TMEM178B: variants seen among roughly 807,000 people sequenced by gnomAD.
TMEM178B encodes the protein transmembrane protein 178B.
A neutral mutation model predicts 31.0 loss-of-function variants in TMEM178B; 5 were observed. The observed-to-expected ratio is 0.16, with a 90% confidence interval of 0.08 to 0.34. The LOEUF (loss-of-function observed/expected upper bound fraction) is 0.34, where lower values mean the gene tolerates loss of function less well. TMEM178B is among the 10% of genes least tolerant of loss of function. TMEM178B has a pLI of 1.00. For missense variants in TMEM178B, 275 were observed against 400.3 expected (o/e 0.69, Z 2.67); for synonymous variants, 164 against 164.0 (o/e 1.00, Z 0.00).
chr7:141,477,577 ACT>A lies in TMEM178B; in HGVS notation c.*6794_*6795del, dbSNP rs1802396201. 6.6e-6 allele frequency: 1 copy of A among 152,080 alleles called. No homozygotes were observed. The highest frequency in any genetic ancestry group is 1.5e-5 in the Non-Finnish European group (1 of 67,992). 9.4% of individuals were successfully genotyped at this position (152,080 alleles called of 1,614,324 possible). ...TGGCAAGGGTCATGACAAAGACCTG[ACT>A]CTGGGGTGGCATGAGTGGCCCTGTC... On this transcript the variant is annotated 3_prime_UTR_variant, in exon 4 of 4. Transcript: ENST00000565468.
At chr7:141,277,539 CTT>C (rs1798285369) in intron 2 of TMEM178B, among the ~76,000 whole-genome samples, 1 of 152,114 alleles carries the variant, frequency 6.6e-6, no homozygotes, top group Non-Finnish European at 1.5e-5. Context: ...TTACAGTTAA[CTT>C]TGTTTTCAAA....
At chr7:141,466,465 T>C (rs923574015) in intron 3 of TMEM178B, among the ~76,000 whole-genome samples, 3 of 152,236 alleles carry the variant, frequency 2.0e-5, no homozygotes, top group African/African-American at 7.2e-5. Context: ...ATGAGAATCA[T>C]GTATATCCAG....
At chr7:141,290,175 T>C (rs1181342186) in intron 2 of TMEM178B, among the ~76,000 whole-genome samples, 2 of 152,216 alleles carry the variant, frequency 1.3e-5, no homozygotes, top group East Asian at 3.8e-4. Flanking sequence ...TCTGCACCCA[T>C]AGAGCAGCAG....
chr7:141,336,009 C>T lies in TMEM178B; in HGVS notation c.497-101599C>T, dbSNP rs775754603. On this transcript the variant is annotated intron_variant, in intron 2 of 3. Transcript: ENST00000565468. ...TTAGATCATTTCACATGATGAAACACCGTCTCACTACTGACAATTGTAATT... is the reference window on the plus strand; with the variant it reads ...TTAGATCATTTCACATGATGAAACATCGTCTCACTACTGACAATTGTAATT... Among the ~76,000 whole-genome samples, 12 of 152,208 alleles carry T rather than the reference C, an allele frequency of 7.9e-5. 1 individual carries two copies. Among genetic ancestry groups the T allele is most frequent in the Non-Finnish European group, 1.5e-4 (10 of 68,038 alleles).
At chr7:141,272,211 T>G (rs1033848045) in intron 2 of TMEM178B, among the ~76,000 whole-genome samples, 7 of 152,216 alleles carry the variant, frequency 4.6e-5, no homozygotes, top group African/African-American at 1.4e-4. Context: ...TCCCATCTCC[T>G]GCAGTGGTTA....
intron 2 of TMEM178B, among the ~76,000 whole-genome samples, chr7:141,337,479 CA>C (rs568258168): frequency 6.6e-6 from 1 of 151,908 alleles, no homozygotes; most frequent in African/African-American, 2.4e-5. Context: ...AGGTAATTGT[CA>C]AAAAAACTCT....
chr7:141,217,612 T>C (rs1175771288), intron 2 of TMEM178B, among the ~76,000 whole-genome samples: 1 of 151,990 alleles, frequency 6.6e-6, no homozygotes, highest in Non-Finnish European at 1.5e-5. Flanking sequence ...AGACTCCATC[T>C]CAAATAATAC....
intron 2 of TMEM178B, among the ~76,000 whole-genome samples, chr7:141,232,217 G>A (rs892601552): frequency 2.6e-5 from 4 of 152,092 alleles, no homozygotes; most frequent in African/African-American, 7.2e-5. Context: ...TTATTGATGG[G>A]CATTTGAGTT....
intron 2 of TMEM178B, among the ~76,000 whole-genome samples, chr7:141,228,346 C>T (rs775207221): frequency 2.6e-4 from 40 of 151,918 alleles, no homozygotes; most frequent in Non-Finnish European, 5.4e-4. Context: ...CTCAACTTCA[C>T]TAATTATTCA....
intron 2 of TMEM178B, among the ~76,000 whole-genome samples, chr7:141,428,368 C>CAAAAAA (rs1491261666): frequency 2.0e-3 from 50 of 25,116 alleles, no homozygotes; most frequent in Non-Finnish European, 2.5e-3. Context: ...GACTCCACCT[C>CAAAAAA]AAAAAAAAAA....
At chr7:141,253,544 CTTTTTTTTT>C (rs34199017) in intron 2 of TMEM178B, among the ~76,000 whole-genome samples, 2 of 70,032 alleles carry the variant, frequency 2.9e-5, no homozygotes, top group Non-Finnish European at 5.1e-5. Context: ...ATTTTCCCTT[CTTTTTTTTT>C]TTTTTTTTTT....
At chr7:141,205,033 C>T (rs1796940248) in intron 1 of TMEM178B, among the ~76,000 whole-genome samples, 1 of 151,992 alleles carries the variant, frequency 6.6e-6, no homozygotes, top group African/African-American at 2.4e-5. Context: ...ACTCTATTGC[C>T]CAGGTTCGTC....
intron 1 of TMEM178B, among the ~76,000 whole-genome samples, chr7:141,129,107 A>G (rs1438725744): frequency 6.6e-6 from 1 of 152,212 alleles, no homozygotes; most frequent in Non-Finnish European, 1.5e-5. Context: ...TACATGGCTG[A>G]CTGCCCATTT....
At chr7:141,096,584 G>A (rs1002890967) in intron 1 of TMEM178B, among the ~76,000 whole-genome samples, 7 of 152,200 alleles carry the variant, frequency 4.6e-5, no homozygotes, top group Non-Finnish European at 1.0e-4. Flanking sequence ...ACCATGTGGA[G>A]GTTCCTAGAA....
chr7:141,146,157 C>T (rs1795846673), intron 1 of TMEM178B, among the ~76,000 whole-genome samples: 1 of 152,154 alleles, frequency 6.6e-6, no homozygotes, highest in Non-Finnish European at 1.5e-5. Context: ...AAGTAACTTG[C>T]TAAGGTTTCC....
In TMEM178B at chr7:141,344,576, CTTCCT is replaced by C. The variant is rs1177009475; in HGVS notation, c.497-93030_497-93026del. Among the ~76,000 whole-genome samples, 1 of 15,468 alleles carries C rather than the reference CTTCCT, an allele frequency of 6.5e-5. No individual in the cohort carries two copies. The highest frequency in any genetic ancestry group is 1.9e-4 in the African/African-American group (1 of 5,326). 10.1% of individuals were successfully genotyped at this position (15,468 alleles called of 152,430 possible). A position where few individuals can be genotyped will look rare whatever the true frequency, so the allele number is the denominator to read the frequency against. On this transcript the variant is annotated intron_variant, in intron 2 of 3. Coordinates refer to ENST00000565468, the MANE Select transcript of TMEM178B (RefSeq NM_001195278.2). The surrounding 1 kb of genome is among the most constrained non-coding windows in gnomAD (Gnocchi z 4.1). The stretch of plus-strand genomic sequence containing the variant: ...CCCTCCCTCCATTCCTCCCTCCTCC[CTTCCT>C]TCCTTCCTTCCTTCCTTCCTTCCTT...
intron 1 of TMEM178B, among the ~76,000 whole-genome samples, chr7:141,086,851 C>A (rs1357670702): frequency 6.6e-6 from 1 of 152,156 alleles, no homozygotes; most frequent in East Asian, 1.9e-4. Flanking sequence ...CCACGCCCAG[C>A]TGATTTTTAT....
chr7:141,423,049 A>G (rs1488619468), intron 2 of TMEM178B, among the ~76,000 whole-genome samples: 1 of 152,096 alleles, frequency 6.6e-6, no homozygotes, highest in Non-Finnish European at 1.5e-5. Flanking sequence ...TTATTTATTT[A>G]TTTATTTTGC....
In TMEM178B at chr7:141,470,673, G is replaced by A. The variant is rs1382629290; in HGVS notation, c.772G>A (p.Gly258Ser). The A allele has an allele frequency of 2.6e-6, 4 of 1,535,508 alleles. No homozygotes were observed. Among genetic ancestry groups the A allele is most frequent in the South Asian group, 1.2e-5 (1 of 84,020 alleles). ...CTGGTCCATGTTCTGTGCATGGGGG[G>A]GCCTGGGCCTCACACTCATCTCGGG... ...YGWSMFCAWG[G>S]LGLTLISGFF... The change falls in exon 4 of 4, where the codon GGC becomes AGC. Residue 258 changes from glycine to serine, a missense_variant. By Grantham distance (56) the Gly-to-Ser change is moderately conservative. Transcript: ENST00000565468.
Sources: allele counts gnomAD v4.1 joint callset (sites outside exome capture counted in the v4.1 genomes callset), GRCh38; gene constraint gnomAD v4.1.1; non-coding constraint Gnocchi (gnomAD v3.1); transcripts MANE v1.5; gene names NCBI Gene and HGNC (gene_info 2026-07-23, HGNC 2026-07-21).